Variants in PTPRD observed in about 807,000 individuals in gnomAD.
PTPRD encodes receptor-type tyrosine-protein phosphatase delta.
PTPRD carries 34 observed loss-of-function variants against 214.5 expected under a neutral mutation model. The observed-to-expected ratio is 0.16, with a 90% CI of 0.12 to 0.21. The LOEUF (loss-of-function observed/expected upper bound fraction) is 0.21, where lower values mean the gene tolerates loss of function less well. Among genes scored for constraint, PTPRD ranks in the 10% least tolerant of loss-of-function variants. The probability of loss-of-function intolerance (pLI) is 1.00; values close to 1 mark genes in which losing one functional copy is unlikely to be tolerated. For synonymous variants in PTPRD, 1,128 were observed against 845.7 expected (o/e 1.33, Z -5.79); for missense variants, 2,545 against 2,398.7 (o/e 1.06, Z -1.27).
chr9:9,564,900 T>TG (rs1412109398), intron 8 of PTPRD, among the ~76,000 whole-genome samples: 5 of 141,418 alleles, frequency 3.5e-5, no homozygotes, highest in African/African-American at 1.3e-4. Flanking sequence ...TTTTTTTTTT[T>TG]TTTTTTTTTT....
chr9:8,925,907 A>G (rs1309925781), intron 11 of PTPRD, among the ~76,000 whole-genome samples: 1 of 94,170 alleles, frequency 1.1e-5, no homozygotes, highest in East Asian at 2.9e-4. Flanking sequence ...GTTTGTCCTT[A>G]TTAATTAAGT....
intron 12 of PTPRD, among the ~76,000 whole-genome samples, chr9:8,714,450 AC>A (rs1370032764): frequency 2.6e-5 from 4 of 151,714 alleles, no homozygotes; most frequent in African/African-American, 9.7e-5. Context: ...TCACTAGCAA[AC>A]TCCTAAATAC....
At chr9:8,760,616 G>GTGTGTC (rs1490246855) in intron 11 of PTPRD, among the ~76,000 whole-genome samples, 8 of 151,924 alleles carry the variant, frequency 5.3e-5, no homozygotes, top group African/African-American at 1.7e-4. Context: ...GTGTGTGTGT[G>GTGTGTC]TGTGTGTGTG....
intron 44 of PTPRD, among the ~76,000 whole-genome samples, chr9:8,324,543 T>G (rs1831687044): frequency 6.6e-6 from 1 of 152,196 alleles, no homozygotes. Context: ...CTATTGTGAA[T>G]AGTGCCACAA....
chr9:9,675,718 C>A (rs1048098589), intron 7 of PTPRD, among the ~76,000 whole-genome samples: 1 of 151,858 alleles, frequency 6.6e-6, no homozygotes, highest in African/African-American at 2.4e-5. Flanking sequence ...ATAGGTCCAC[C>A]AAAATGCTTG....
rs1178348539 is a variant in PTPRD, at chr9:8,495,699, A to T, written c.2349+1543T>A. 3.3e-5 allele frequency among the ~76,000 whole-genome samples: 5 copies of T among 152,238 alleles called. No homozygotes were observed. The East Asian group carries it at 7.7e-4, about 23-fold the overall frequency. On this transcript the variant is annotated intron_variant, in intron 26 of 45. Coordinates refer to ENST00000381196, the MANE Select transcript of PTPRD (RefSeq NM_002839.4). ...TTAGTTAAACAGAGGTGTGCATTGA[A>T]TCATGACATACAATAATGTATTTCT... is the stretch of plus-strand genomic sequence containing the variant.
chr9:8,822,546 C>T (rs1333145831), intron 11 of PTPRD, among the ~76,000 whole-genome samples: 8 of 152,170 alleles, frequency 5.3e-5, no homozygotes, highest in South Asian at 2.1e-4. Context: ...AATGTTAAAA[C>T]GCTACCACAG....
intron 4 of PTPRD, among the ~76,000 whole-genome samples, chr9:9,990,560 G>T (rs1723744136): frequency 6.6e-6 from 1 of 152,182 alleles, no homozygotes; most frequent in South Asian, 2.1e-4. Context: ...ACACTGCCCA[G>T]GTCCTAGGGA....
chr9:8,336,680 G>T (rs1847180455), intron 43 of PTPRD, among the ~76,000 whole-genome samples: 1 of 147,276 alleles, frequency 6.8e-6, no homozygotes, highest in Non-Finnish European at 1.5e-5. Context: ...CCTACAGAAT[G>T]GGAGGAAATT....
intron 3 of PTPRD, among the ~76,000 whole-genome samples, chr9:10,106,853 G>C (rs2098638369): frequency 6.6e-6 from 1 of 151,942 alleles, no homozygotes. Flanking sequence ...ACTTTTGGCA[G>C]TGACATACAG....
intron 9 of PTPRD, among the ~76,000 whole-genome samples, chr9:9,185,716 C>T (rs904277245): frequency 6.6e-6 from 1 of 151,984 alleles, no homozygotes. Context: ...CACCTTCAGG[C>T]TAGATTTTAT....
At chr9:10,103,730 G>A (rs1251553109) in intron 3 of PTPRD, among the ~76,000 whole-genome samples, 1 of 151,386 alleles carries the variant, frequency 6.6e-6, no homozygotes, top group Non-Finnish European at 1.5e-5. Context: ...TCTTAGGGAT[G>A]CTTATCCTTA....
chr9:10,559,135 A>T (rs2063282354), intron 2 of PTPRD, among the ~76,000 whole-genome samples: 1 of 152,130 alleles, frequency 6.6e-6, no homozygotes, highest in Non-Finnish European at 1.5e-5. Context: ...AAGACCTTAA[A>T]TGCTTCCACT....
chr9:9,953,493 G>GAC (rs59836734), intron 4 of PTPRD, among the ~76,000 whole-genome samples: 18,072 of 145,182 alleles, frequency 0.12, 1,084 homozygotes, highest in East Asian at 0.23. Flanking sequence ...GGGAATTGTG[G>GAC]ACACACACAC....
chr9:9,680,547 A>G (rs1186834437), intron 7 of PTPRD, among the ~76,000 whole-genome samples: 1 of 151,830 alleles, frequency 6.6e-6, no homozygotes, highest in East Asian at 1.9e-4. Flanking sequence ...TACTTAACAG[A>G]GGTTTATCAC....
chr9:10,393,081 T>G (rs1229951035), intron 2 of PTPRD, among the ~76,000 whole-genome samples: 1 of 151,842 alleles, frequency 6.6e-6, no homozygotes, highest in African/African-American at 2.4e-5. Context: ...CCTTAGCCTT[T>G]CCTATACAAC....
At chr9:9,194,838 G>T (rs1204083947) in intron 9 of PTPRD, among the ~76,000 whole-genome samples, 1 of 151,962 alleles carries the variant, frequency 6.6e-6, no homozygotes, top group Admixed American at 6.6e-5. Flanking sequence ...GCTTCTCTGA[G>T]CATCAATGCA....
At chr9:9,981,195 A>G (rs953638763) in intron 4 of PTPRD, among the ~76,000 whole-genome samples, 19 of 152,178 alleles carry the variant, frequency 1.2e-4, no homozygotes, top group Admixed American at 1.2e-3. Flanking sequence ...TATACTATGG[A>G]AAAATCGGCA....
rs931519298 is a variant in PTPRD, at chr9:9,567,273, G to T, written c.-237+7459C>A. Among the ~76,000 whole-genome samples, 5 of 151,894 alleles carry T rather than the reference G, an allele frequency of 3.3e-5. 1 individual carries two copies. The South Asian group carries it at 1.0e-3, about 32-fold the overall frequency. On this transcript the variant is annotated intron_variant, in intron 8 of 45. Coordinates refer to ENST00000381196, the MANE Select transcript of PTPRD (RefSeq NM_002839.4). ...ATTGTGGGTGGGAGGTTCTGCTAGG[G>T]GTGGGATTGTTGTGTTATTGAGAGA...
Sources: allele counts gnomAD v4.1 joint callset (sites outside exome capture counted in the v4.1 genomes callset), GRCh38; gene constraint gnomAD v4.1.1; transcripts MANE v1.5; gene names NCBI Gene and HGNC (gene_info 2026-07-23, HGNC 2026-07-21).